The following CCDC187 variants were observed in gnomAD, a reference collection of about 807,000 sequenced individuals.
The protein encoded by CCDC187 is coiled-coil domain-containing protein 187.
Under a neutral mutation model 38.0 loss-of-function variants are expected in CCDC187, and 32 were observed. The ratio of observed to expected loss-of-function variants is 0.84; its 90% CI spans 0.64 to 1.13. The LOEUF (loss-of-function observed/expected upper bound fraction) is 1.13. Among genes scored for constraint, CCDC187 ranks in the 50% most tolerant of loss-of-function variants. The probability of loss-of-function intolerance (pLI) is 0.00; values close to 1 mark genes in which losing one functional copy is unlikely to be tolerated. For missense variants in CCDC187, 707 were observed against 786.8 expected (o/e 0.90, Z 1.21); for synonymous variants, 333 against 347.9 (o/e 0.96, Z 0.48).
At position 136,286,268 on chromosome 9, in the gene CCDC187, C is replaced by G. The variant is rs925065619; in HGVS notation, c.2650G>C (p.Ala884Pro). ...TLATPTLATP[A>P]CPGALGPNWG... The stretch of plus-strand genomic sequence containing the variant: ...TTGGGCCCCAAGGCTCCAGGGCAGG[C>G]TGGGGTGGCAAGCGTGGGGGTGGCG... The change falls in exon 8 of 26, where the codon GCC becomes CCC. Residue 884 changes from alanine (A) to proline (P), a missense_variant. Coordinates refer to ENST00000638797, the MANE Select transcript of CCDC187 (RefSeq NM_001378188.1). The G allele has an allele frequency of 2.5e-6, 1 of 398,584 alleles. No homozygotes were observed. Among genetic ancestry groups the G allele is most frequent in the Non-Finnish European group, 4.4e-6 (1 of 226,054 alleles). 24.7% of individuals were successfully genotyped at this position (398,584 alleles called of 1,614,324 possible).
Position 136,303,197 on chromosome 9 carries a change from G to T in CCDC187, c.240C>A (p.Val80=). 1 of 398,494 alleles carries T rather than the reference G, an allele frequency of 2.5e-6. No individual in the cohort carries two copies. The highest frequency in any genetic ancestry group is 1.3e-4 in the South Asian group (1 of 7,738). 24.7% of individuals were successfully genotyped at this position (398,494 alleles called of 1,614,324 possible). The change falls in exon 2 of 26, where the codon GTC becomes GTA. Residue 80 remains valine (V), a synonymous_variant. Coordinates refer to ENST00000638797, the MANE Select transcript of CCDC187 (RefSeq NM_001378188.1). ...CTGGTTCCTTGAGGTCGTCAGACCC[G>T]ACCACGTGGGGAGCTGCCCAGGGTG... ...PDPPWAAPHV[V]GSDDLKEPGP...
Position 136,302,809 on chromosome 9 carries a change from G to T in CCDC187, c.625+3C>A. On this transcript the variant is annotated splice_donor_region_variant and intron_variant, in intron 2 of 25. Transcript: ENST00000638797. ...GCCCCTCTCTGGCAAAGTGGCCACT[G>T]ACCTGAGCATTCAGGGGCTGGAGGG... is the stretch of plus-strand genomic sequence containing the variant. The T allele has an allele frequency of 2.5e-6, 1 of 399,040 alleles. No homozygotes were observed. The highest frequency in any genetic ancestry group is 1.3e-4 in the South Asian group (1 of 7,844). The allele number at this position is 399,040 out of a possible 1,614,324, so 24.7% of individuals were successfully genotyped here.
intron 9 of CCDC187, 49 bp downstream of exon 9, chr9:136,285,448 TGGGCAGGTGGGCAGGC>T (rs1238876372): frequency 0.015 from 691 of 45,880 alleles, no homozygotes; most frequent in Non-Finnish European, 0.028. Flanking sequence ...GGTGGGCAGG[TGGGCAGGTGGGCAGGC>T]GGGCAGGTGG....
Position 136,254,707 on chromosome 9 carries a change from G to A in CCDC187, c.5121C>T (p.Pro1707=), listed in dbSNP as rs1830591972. The change falls in exon 26 of 26, where the codon CCC becomes CCT. Residue 1707 remains proline (P), a synonymous_variant. Coordinates refer to ENST00000638797, the MANE Select transcript of CCDC187 (RefSeq NM_001378188.1). ...GCAGGGGGCCGGCCCTGCGGCCCTG[G>A]GGCCTCTGCCAGGTCACCCATCCTC... is the stretch of plus-strand genomic sequence containing the variant. The part of the protein sequence containing the change: ...GGGGWVTWQR[P]QGRRAGPLRG... 21 of 985,534 alleles carry A rather than the reference G, an allele frequency of 2.1e-5. No individual in the cohort carries two copies. Among genetic ancestry groups the A allele is most frequent in the Non-Finnish European group, 2.4e-5 (20 of 829,990 alleles). The allele number at this position is 985,534 out of a possible 1,614,324, so 61.0% of individuals were successfully genotyped here.
At position 136,290,933 on chromosome 9, in the gene CCDC187, G is replaced by T; in HGVS notation, c.1680C>A (p.Asn560Lys). Residue 560 changes from asparagine (N) to lysine (K), a missense_variant, in exon 6 of 26, where the codon AAC becomes AAA. Transcript: ENST00000638797. The stretch of plus-strand genomic sequence containing the variant: ...CTGGAGGACTGGGCCTTTCCAGAGG[G>T]TTCCGCAGTCTGGGGCCAGGGTCCT... ...TWEDPGPRLR[N>K]PLERPSPPAQ... 2.5e-6 allele frequency: 1 copy of T among 398,736 alleles called. No homozygotes were observed. Among genetic ancestry groups the T allele is most frequent in the Admixed American group, 4.4e-5 (1 of 22,742 alleles). The allele number at this position is 398,736 out of a possible 1,614,324, so 24.7% of individuals were successfully genotyped here. A position where few individuals can be genotyped will look rare whatever the true frequency, so the allele number is the denominator to read the frequency against.
Position 136,252,429 on chromosome 9 carries a change from A to T in CCDC187, c.*1165T>A, listed in dbSNP as rs1830559123. The T allele has an allele frequency of 5.1e-6, 1 of 194,466 alleles. No individual in the cohort carries two copies. Among genetic ancestry groups the T allele is most frequent in the African/African-American group, 2.6e-5 (1 of 38,964 alleles). The allele number at this position is 194,466 out of a possible 1,614,324, so 12.0% of individuals were successfully genotyped here. On this transcript the variant is annotated 3_prime_UTR_variant, in exon 26 of 26. Coordinates refer to ENST00000638797, the MANE Select transcript of CCDC187 (RefSeq NM_001378188.1). Reference sequence around the variant, plus strand: ...GCACAGCCGGCCGCCCACCCTGTCCACCGGGGGAAGGTCCAGGCAACCGTC... The same window carrying T: ...GCACAGCCGGCCGCCCACCCTGTCCTCCGGGGGAAGGTCCAGGCAACCGTC...
chr9:136,291,258 G>A lies in CCDC187; in HGVS notation c.1355C>T (p.Ser452Phe), dbSNP rs1480363196. 2.5e-6 allele frequency: 1 copy of A among 398,696 alleles called. No individual in the cohort carries two copies. The highest frequency in any genetic ancestry group is 4.4e-5 in the Admixed American group (1 of 22,728). 24.7% of individuals were successfully genotyped at this position (398,696 alleles called of 1,614,324 possible). ...CGGACAGGACTCCCGTGCAGTGGAG[G>A]AGCTCCAGGGCTCCCAGGTGTGGAC... The part of the protein sequence containing the change: ...RSVHTWEPWS[S>F]STARESCPQR... The change falls in exon 6 of 26, where the codon TCC becomes TTC. Residue 452 changes from serine to phenylalanine, a missense_variant. By Grantham distance (155) the Ser-to-Phe change is radical. Coordinates refer to ENST00000638797, the MANE Select transcript of CCDC187 (RefSeq NM_001378188.1).
chr9:136,303,321 C>T, intron 1 of CCDC187, 28 bp from the exon 2 acceptor site: 2 of 396,852 alleles, frequency 5.0e-6, no homozygotes, highest in Non-Finnish European at 8.9e-6. Context: ...ACATGCCGGT[C>T]AGACATGCAG....
intron 9 of CCDC187, 100 bp from the exon 10 acceptor site, chr9:136,281,763 C>T (rs1831049092): frequency 1.3e-5 from 5 of 397,656 alleles, no homozygotes; most frequent in African/African-American, 2.1e-5. Flanking sequence ...GGAACCTGGG[C>T]TCCCGTGGCC....
rs948869813 is a variant in CCDC187, at chr9:136,291,532, A to G, written c.1081T>C (p.Ser361Pro). The change falls in exon 6 of 26, where the codon TCC (serine) becomes CCC (proline). Residue 361 changes from serine to proline, a missense_variant. Transcript: ENST00000638797. ...TGTATGGTCGCTGGCTGGTCGAAGG[A>G]AGCCAGGCTGGGTGTGTTCCCAGAC... is the stretch of plus-strand genomic sequence containing the variant. Reference protein sequence around the residue: ...QVSGNTPSLASFDQPATIQTA... With the variant: ...QVSGNTPSLAPFDQPATIQTA... 1.3e-5 allele frequency: 5 copies of G among 398,662 alleles called. No individual in the cohort carries two copies. Among genetic ancestry groups the G allele is most frequent in the Middle Eastern group, 6.2e-4 (1 of 1,612 alleles). 24.7% of individuals were successfully genotyped at this position (398,662 alleles called of 1,614,324 possible). A position where few individuals can be genotyped will look rare whatever the true frequency, so the allele number is the denominator to read the frequency against.
At chr9:136,301,646 G>GC (rs1831686717) in intron 2 of CCDC187, among the ~76,000 whole-genome samples, 3 of 149,180 alleles carry the variant, frequency 2.0e-5, no homozygotes, top group Admixed American at 2.0e-4. Flanking sequence ...GAGTGCAGTG[G>GC]CGCAATCTCG....
intron 2 of CCDC187, among the ~76,000 whole-genome samples, chr9:136,301,474 A>T (rs1004342786): frequency 1.1e-4 from 17 of 152,132 alleles, no homozygotes; most frequent in African/African-American, 4.1e-4. Flanking sequence ...GGGAAGATGA[A>T]CAGTCCTGGA....
chr9:136,306,774 A>T (rs1370005206), upstream of CCDC187: 2 of 152,400 alleles, frequency 1.3e-5, no homozygotes, highest in Non-Finnish European at 2.9e-5. Flanking sequence ...CTCGGCTGGG[A>T]GGGGCTGGGA....
chr9:136,290,825 A>G lies in CCDC187; in HGVS notation c.1788T>C (p.Ala596=), dbSNP rs1831307264. 2 of 398,368 alleles carry G rather than the reference A, an allele frequency of 5.0e-6. No individual in the cohort carries two copies. The highest frequency in any genetic ancestry group is 2.1e-5 in the African/African-American group (1 of 48,616). The allele number at this position is 398,368 out of a possible 1,614,324, so 24.7% of individuals were successfully genotyped here. A position where few individuals can be genotyped will look rare whatever the true frequency, so the allele number is the denominator to read the frequency against. ...KGRGIGSPVS[A]AKHALPRPTG... Reference sequence around the variant, plus strand: ...TGGGCCTTGGCAGGGCATGCTTGGCAGCCGAGACGGGGGAGCCGATGCCTC... The same window carrying G: ...TGGGCCTTGGCAGGGCATGCTTGGCGGCCGAGACGGGGGAGCCGATGCCTC... The change falls in exon 6 of 26, where the codon GCT becomes GCC. Residue 596 remains alanine, a synonymous_variant. Transcript: ENST00000638797.
At chr9:136,268,233 T>C (rs1830782416) in intron 14 of CCDC187, 108 bp from the exon 15 acceptor site, 1 of 630,310 alleles carries the variant, frequency 1.6e-6, no homozygotes, top group Non-Finnish European at 2.0e-6. Flanking sequence ...TAGGGCAGTT[T>C]AGTGTCCCCA....
Position 136,281,605 on chromosome 9 carries a change from T to C in CCDC187, c.2986A>G (p.Thr996Ala). The C allele has an allele frequency of 2.5e-6, 1 of 398,082 alleles. No homozygotes were observed. Among genetic ancestry groups the C allele is most frequent in the Admixed American group, 4.4e-5 (1 of 22,688 alleles). The allele number at this position is 398,082 out of a possible 1,614,324, so 24.7% of individuals were successfully genotyped here. A position where few individuals can be genotyped will look rare whatever the true frequency, so the allele number is the denominator to read the frequency against. ...PIWGSLGLEE[T>A]PSVGGADSVA... ...GAATCTGCCCCTCCGACCGACGGCG[T>C]CTCCTCCAGTCCCAGGGAGCCCCAG... The change falls in exon 10 of 26, where the codon ACG becomes GCG. Residue 996 changes from threonine to alanine, a missense_variant. Physicochemically the swap from Thr to Ala is moderately conservative, Grantham distance 58 (BLOSUM62 0). Transcript: ENST00000638797.
In CCDC187 at chr9:136,257,665, C is replaced by T. The variant is rs1043939658; in HGVS notation, c.4367-824G>A. Among the ~76,000 whole-genome samples, 3 of 152,184 alleles carry T rather than the reference C, an allele frequency of 2.0e-5. No individual in the cohort carries two copies. The highest frequency in any genetic ancestry group is 1.9e-4 in the East Asian group (1 of 5,198). ...TTGCACCTCCATCTCCCTAGACTTT[C>T]GTTCTGTGGGGTCAGGGGACTCTGA... On this transcript the variant is annotated intron_variant, in intron 22 of 25. Coordinates refer to ENST00000638797, the MANE Select transcript of CCDC187 (RefSeq NM_001378188.1). This position sits in a 1 kb window ranked among gnomAD's most constrained non-coding sequence, Gnocchi z 4.5.
chr9:136,298,752 C>T (rs1766557077), intron 3 of CCDC187, among the ~76,000 whole-genome samples: 2 of 152,300 alleles, frequency 1.3e-5, no homozygotes, highest in South Asian at 4.1e-4. Context: ...TCACTAGGCC[C>T]ATAGAGACAG....
chr9:136,282,478 C>T (rs1831068576), intron 9 of CCDC187, among the ~76,000 whole-genome samples: 2 of 151,630 alleles, frequency 1.3e-5, no homozygotes. Context: ...GCTGAGCCTG[C>T]ATCCGGGGCA....
Sources: gnomAD v4.1 joint callset for allele counts (sites outside exome capture counted in the v4.1 genomes callset) on GRCh38, gnomAD v4.1.1 for gene constraint, Gnocchi (gnomAD v3.1) non-coding constraint, MANE v1.5 for transcripts, NCBI Gene and HGNC (gene_info 2026-07-23, HGNC 2026-07-21) for gene names.